Variants in SUMF1 observed in about 807,000 individuals in gnomAD.
SUMF1 encodes formylglycine-generating enzyme.
Under a neutral mutation model 47.6 loss-of-function variants are expected in SUMF1, and 48 were observed. The ratio of observed to expected loss-of-function variants is 1.01; its 90% CI spans 0.80 to 1.28. The LOEUF is 1.28. Ranked by LOEUF, SUMF1 falls within the 50% of genes most tolerant of loss-of-function variation. The pLI, the probability that SUMF1 is intolerant of heterozygous loss-of-function variation, is 0.00. For synonymous variants in SUMF1, 230 were observed against 192.1 expected, an observed-to-expected ratio of 1.20 and a Z score of -1.63; for missense variants, 571 against 485.4, an observed-to-expected ratio of 1.18 and a Z score of -1.66.
chr3:4,258,134 C>T (rs747215929), intron 8 of SUMF1, among the ~76,000 whole-genome samples: 2,686 of 148,844 alleles, frequency 0.018, 44 homozygotes, highest in Non-Finnish European at 0.022. Context: ...AAGATTTAAA[C>T]GTTAGACCTA....
At chr3:4,417,896 A>G in intron 5 of SUMF1, 114 bp downstream of exon 5, 2 of 1,560,842 alleles carry the variant, frequency 1.3e-6, no homozygotes, top group Non-Finnish European at 8.8e-7. Flanking sequence ...TAAGAAAAAG[A>G]ATTATTGTCG....
At chr3:4,318,490 C>A (rs1250120022) in intron 8 of SUMF1, among the ~76,000 whole-genome samples, 1 of 152,200 alleles carries the variant, frequency 6.6e-6, no homozygotes, top group Non-Finnish European at 1.5e-5. Context: ...TAACATCATA[C>A]ATAATGATGA....
chr3:4,099,170 C>A (rs1280993413), intron 8 of SUMF1, among the ~76,000 whole-genome samples: 2 of 152,058 alleles, frequency 1.3e-5, no homozygotes, highest in African/African-American at 4.8e-5. Context: ...TAAATGATAA[C>A]AGATAGTTGT....
chr3:4,349,648 G>A (rs1484873685), intron 8 of SUMF1, among the ~76,000 whole-genome samples: 1 of 152,164 alleles, frequency 6.6e-6, no homozygotes, highest in East Asian at 1.9e-4. Flanking sequence ...GGAATACTAT[G>A]CAGTCATAAA....
chr3:4,045,950 C>CT (rs761811645), intron 9 of SUMF1, among the ~76,000 whole-genome samples: 1 of 152,148 alleles, frequency 6.6e-6, no homozygotes, highest in Non-Finnish European at 1.5e-5. Flanking sequence ...ACTCAGAAGG[C>CT]TGAGGCAAGA....
intron 9 of SUMF1, among the ~76,000 whole-genome samples, chr3:4,036,717 G>C (rs1361700395): frequency 6.6e-6 from 1 of 151,820 alleles, no homozygotes; most frequent in Non-Finnish European, 1.5e-5. Flanking sequence ...AATCTATTCT[G>C]GTGCTGAATG....
In SUMF1 at chr3:4,343,063, A is replaced by G. The variant is rs17040402; in HGVS notation, c.1014+33267T>C. ...TATGAACCCAGTCTTTTAGAGGGAG[A>G]GCTCAAATAGGTACATTTTGAACAA... On this transcript the variant is annotated intron_variant and NMD_transcript_variant, in intron 8 of 12. Transcript: ENST00000448413. Among the ~76,000 whole-genome samples, 734 of 152,320 alleles carry G rather than the reference A, an allele frequency of 4.8e-3. 7 individuals carry two copies. Among genetic ancestry groups the G allele is most frequent in the African/African-American group, 0.017 (708 of 41,572 alleles).
intron 8 of SUMF1, among the ~76,000 whole-genome samples, chr3:4,295,316 T>C (rs1399064805): frequency 1.3e-5 from 2 of 152,056 alleles, no homozygotes; most frequent in Admixed American, 6.6e-5. Flanking sequence ...TTTGGTGGTA[T>C]CCAGCGAAAT....
intron 8 of SUMF1, among the ~76,000 whole-genome samples, chr3:4,354,291 C>T (rs573162458): frequency 3.3e-5 from 5 of 152,320 alleles, no homozygotes; most frequent in South Asian, 4.1e-4. Context: ...TTCTCTAAAA[C>T]TGAAATGCAA....
intron 8 of SUMF1, among the ~76,000 whole-genome samples, chr3:4,211,713 T>C (rs980713970): frequency 2.0e-5 from 3 of 152,124 alleles, no homozygotes; most frequent in Non-Finnish European, 4.4e-5. Context: ...CAATTAAATA[T>C]CACTTCATCC....
chr3:4,140,512 TC>T (rs1408251858), intron 8 of SUMF1, among the ~76,000 whole-genome samples: 3 of 152,096 alleles, frequency 2.0e-5, no homozygotes, highest in African/African-American at 7.2e-5. Context: ...CCCTTTGGAC[TC>T]ATCTGTTCCT....
chr3:4,250,631 A>C (rs1277499297), intron 8 of SUMF1, among the ~76,000 whole-genome samples: 2 of 152,122 alleles, frequency 1.3e-5, no homozygotes, highest in African/African-American at 4.8e-5. Flanking sequence ...GAATAGGCAG[A>C]CTCTCTTGTT....
chr3:4,123,376 A>C, intron 8 of SUMF1, among the ~76,000 whole-genome samples: 1 of 152,160 alleles, frequency 6.6e-6, no homozygotes, highest in Admixed American at 6.5e-5. Context: ...GTGAACACTT[A>C]ACAAATATTG....
At chr3:4,118,414 G>C (rs191743291) in intron 8 of SUMF1, among the ~76,000 whole-genome samples, 1 of 151,812 alleles carries the variant, frequency 6.6e-6, no homozygotes, top group Non-Finnish European at 1.5e-5. Context: ...GGAAATAAAA[G>C]AGAAAAAAAT....
intron 3 of SUMF1, among the ~76,000 whole-genome samples, chr3:4,424,532 G>T (rs1264974999): frequency 6.6e-6 from 1 of 152,170 alleles, no homozygotes; most frequent in Non-Finnish European, 1.5e-5. Flanking sequence ...AAAATAGTAA[G>T]ACCTGAAGCA....
intron 8 of SUMF1, among the ~76,000 whole-genome samples, chr3:4,126,348 A>G (rs1693654419): frequency 1.3e-5 from 2 of 151,972 alleles, no homozygotes; most frequent in African/African-American, 4.8e-5. Context: ...ATGTTAATTT[A>G]GCTTTTCCTC....
At chr3:4,271,028 G>C (rs1337960470) in intron 8 of SUMF1, among the ~76,000 whole-genome samples, 2 of 152,098 alleles carry the variant, frequency 1.3e-5, no homozygotes, top group Non-Finnish European at 2.9e-5. Context: ...GTTTGTTAAT[G>C]GTAGTATTAG....
intron 8 of SUMF1, among the ~76,000 whole-genome samples, chr3:4,250,888 C>G (rs557972504): frequency 2.6e-5 from 4 of 152,228 alleles, no homozygotes; most frequent in Non-Finnish European, 5.9e-5. Context: ...TGTTTACCCA[C>G]GGGTTCAAAT....
chr3:4,439,947 G>A (rs1702525597), intron 3 of SUMF1, among the ~76,000 whole-genome samples: 1 of 152,022 alleles, frequency 6.6e-6, no homozygotes, highest in Non-Finnish European at 1.5e-5. Flanking sequence ...AAATGATGCT[G>A]AGCAGGCTGG....
Sources: gnomAD v4.1 joint callset for allele counts (sites outside exome capture counted in the v4.1 genomes callset) on GRCh38, gnomAD v4.1.1 for gene constraint, MANE v1.5 for transcripts, NCBI Gene and HGNC (gene_info 2026-07-23, HGNC 2026-07-21) for gene names.